The following AGBL3 variants were observed in gnomAD, a reference collection of about 807,000 sequenced individuals.
The protein encoded by AGBL3 is cytosolic carboxypeptidase 3.
Under a neutral mutation model 94.5 loss-of-function variants are expected in AGBL3, and 68 were observed. That is an observed-to-expected ratio of 0.72 (90% CI 0.59 to 0.88). AGBL3 has a LOEUF of 0.88. Among genes scored for constraint, AGBL3 ranks in the 40% least tolerant of loss-of-function variants. AGBL3 has a pLI of 0.00. For missense variants in AGBL3, 934 were observed against 1,103.8 expected, an observed-to-expected ratio of 0.85 and a Z score of 2.18; for synonymous variants, 354 against 370.7, an observed-to-expected ratio of 0.95 and a Z score of 0.52.
At chr7:135,079,120 T>C (rs1246440042) in intron 13 of AGBL3, among the ~76,000 whole-genome samples, 1 of 152,164 alleles carries the variant, frequency 6.6e-6, no homozygotes, top group East Asian at 1.9e-4. Context: ...TATTTTTCTG[T>C]AGGATTGAAT....
chr7:135,026,796 A>G (rs991658724), intron 5 of AGBL3, among the ~76,000 whole-genome samples: 2 of 151,460 alleles, frequency 1.3e-5, no homozygotes, highest in East Asian at 2.1e-4. Flanking sequence ...TAATCTGACA[A>G]TCTCTGCCTT....
Position 135,037,437 on chromosome 7 carries a change from G to A in AGBL3, c.1357G>A (p.Val453Ile). 6.5e-7 allele frequency: 1 copy of A among 1,542,650 alleles called. No individual in the cohort carries two copies. The highest frequency in any genetic ancestry group is 1.2e-5 in the South Asian group (1 of 81,974). ...TGGCAGACTGATGGAGAAACGAGAGGTTATTTTATACTGTGATCTTCATGG... is the reference window on the plus strand; with the variant it reads ...TGGCAGACTGATGGAGAAACGAGAGATTATTTTATACTGTGATCTTCATGG... ...MVHRLMEKRE[V>I]ILYCDLHGHS... Residue 453 changes from valine (V) to isoleucine (I), a missense_variant, in exon 8 of 17, where the codon GTT becomes ATT. Val to Ile is a conservative substitution (Grantham distance 29). This residue lies in a region of AGBL3 where 488 missense variants were observed against 563.6 expected (regional missense o/e 0.87). Transcript: ENST00000436302.
chr7:135,017,718 C>T (rs1012038081), intron 5 of AGBL3, among the ~76,000 whole-genome samples: 16 of 152,008 alleles, frequency 1.1e-4, no homozygotes, highest in African/African-American at 1.9e-4. Flanking sequence ...AGAGTGTTTT[C>T]GTATATTAAA....
At chr7:135,008,344 C>A (rs1353046464) in intron 4 of AGBL3, among the ~76,000 whole-genome samples, 1 of 152,064 alleles carries the variant, frequency 6.6e-6, no homozygotes, top group Non-Finnish European at 1.5e-5. Flanking sequence ...CTGTGGTGAA[C>A]TGATTTTTGA....
chr7:135,085,029 T>C (rs540675323), intron 15 of AGBL3, among the ~76,000 whole-genome samples: 2 of 152,254 alleles, frequency 1.3e-5, no homozygotes, highest in African/African-American at 2.4e-5. Flanking sequence ...TTTTTGATAA[T>C]AGCTATTCTA....
At chr7:135,099,188 G>GCT (rs57411569) in intron 15 of AGBL3, among the ~76,000 whole-genome samples, 73,550 of 151,262 alleles carry the variant, frequency 0.49, 18,162 homozygotes, top group South Asian at 0.66. Context: ...TCCTAGATTG[G>GCT]CTCTAAAAAT....
intron 15 of AGBL3, among the ~76,000 whole-genome samples, chr7:135,087,743 G>A (rs915933535): frequency 4.6e-5 from 7 of 151,866 alleles, no homozygotes; most frequent in East Asian, 1.9e-4. Context: ...GTTCCCTAAC[G>A]TAAGTCTTAG....
chr7:135,037,285 G>A, intron 7 of AGBL3, 133 bp from the exon 8 acceptor site: 1 of 616,524 alleles, frequency 1.6e-6, no homozygotes, highest in Non-Finnish European at 2.5e-6. Flanking sequence ...TTAATAATAT[G>A]CAATATAGAT....
chr7:135,105,093 G>A lies in AGBL3; in HGVS notation c.2111-10287G>A, dbSNP rs536379482. On this transcript the variant is annotated intron_variant, in intron 15 of 16. Coordinates refer to ENST00000436302, the MANE Select transcript of AGBL3 (RefSeq NM_178563.4). ...AAGTTTTTTTTTTTTTTTTTGAGAT[G>A]GAGTCTTGCTCTTTCACCCAGGCTG... 1.4e-3 allele frequency among the ~76,000 whole-genome samples: 148 copies of A among 103,332 alleles called. 1 individual carries two copies. Among genetic ancestry groups the A allele is most frequent in the South Asian group, 3.3e-3 (10 of 3,054 alleles). 67.8% of individuals were successfully genotyped at this position (103,332 alleles called of 152,430 possible).
In AGBL3 at chr7:135,045,877, C is replaced by T; in HGVS notation, c.1807C>T (p.Pro603Ser). ...LEKVFEDSDT[P>S]VIDITLDVES... ...AAAAGTCTTTGAGGATTCAGACACA[C>T]CTGTGATAGACATTACATTGGATGT... The change falls in exon 11 of 17, where the codon CCT becomes TCT. Residue 603 changes from proline to serine, a missense_variant. By Grantham distance (74) the Pro-to-Ser change is moderately conservative. This residue lies in a region of AGBL3 where 441 missense variants were observed against 518.2 expected (regional missense o/e 0.85). Transcript: ENST00000436302. The T allele has an allele frequency of 1.3e-6, 2 of 1,549,962 alleles. No homozygotes were observed. Among genetic ancestry groups the T allele is most frequent in the South Asian group, 1.2e-5 (1 of 83,988 alleles).
intron 8 of AGBL3, among the ~76,000 whole-genome samples, chr7:135,038,447 A>T (rs1373904017): frequency 6.6e-6 from 1 of 152,244 alleles, no homozygotes; most frequent in Non-Finnish European, 1.5e-5. Flanking sequence ...TATTACTCCT[A>T]TAAAATAATT....
Position 135,037,681 on chromosome 7 carries a change from T to A in AGBL3, c.1500+101T>A, listed in dbSNP as rs1816447737. 1.7e-5 allele frequency: 16 copies of A among 955,356 alleles called. 1 individual carries two copies. In the South Asian group the frequency reaches 3.3e-4, roughly 19 times the overall value. The allele number at this position is 955,356 out of a possible 1,614,324, so 59.2% of individuals were successfully genotyped here. A position where few individuals can be genotyped will look rare whatever the true frequency, so the allele number is the denominator to read the frequency against. ...ATAATACTATTCCAAACTGCTTTTT[T>A]TTTAGTTAGTTTGACCAGTTTATAC... On this transcript the variant is annotated intron_variant, in intron 8 of 16. Transcript: ENST00000436302.
chr7:135,099,495 C>T (rs1823436275), intron 15 of AGBL3, among the ~76,000 whole-genome samples: 1 of 152,164 alleles, frequency 6.6e-6, no homozygotes, highest in East Asian at 1.9e-4. Flanking sequence ...GACCTAACTT[C>T]AGATATTTTA....
intron 2 of AGBL3, chr7:134,988,380 T>C (rs1030174071): frequency 5.3e-5 from 9 of 169,476 alleles, no homozygotes; most frequent in Non-Finnish European, 1.1e-4. Context: ...TCTAACCTTA[T>C]TGTGTATCAC....
chr7:135,042,721 G>A (rs1374988730), intron 8 of AGBL3, among the ~76,000 whole-genome samples: 1 of 152,096 alleles, frequency 6.6e-6, no homozygotes, highest in Non-Finnish European at 1.5e-5. Context: ...ACCAGCCTGA[G>A]CAACATAGCA....
In AGBL3 at chr7:135,129,279, A is replaced by G. The variant is rs1004493104; in HGVS notation, c.2343-5562A>G. 3.3e-6 allele frequency: 5 copies of G among 1,516,244 alleles called. No homozygotes were observed. In the Admixed American group the frequency reaches 6.7e-5, roughly 20 times the overall value. 93.9% of individuals were successfully genotyped at this position (1,516,244 alleles called of 1,614,324 possible). Reference sequence around the variant, plus strand: ...CTCCAGCTGCAATTTTGCCTTCTGTACCTTGTGCAGGTTGACCTACCATGG... The same window carrying G: ...CTCCAGCTGCAATTTTGCCTTCTGTGCCTTGTGCAGGTTGACCTACCATGG... On this transcript the variant is annotated intron_variant, in intron 16 of 16. Transcript: ENST00000436302.
At chr7:135,004,912 G>A (rs541741973) in intron 4 of AGBL3, among the ~76,000 whole-genome samples, 13 of 150,724 alleles carry the variant, frequency 8.6e-5, no homozygotes, top group African/African-American at 2.2e-4. Context: ...TTTATAAATC[G>A]GATTTATTTA....
chr7:134,986,523 G>C lies in AGBL3; in HGVS notation c.-238G>C, dbSNP rs1809445525. ...GGGCGGACCCGTTGCCTGATGACGA[G>C]AGTTGGGAGTGTGGCTGGGGCTGCG... On this transcript the variant is annotated 5_prime_UTR_variant, in exon 1 of 17. Transcript: ENST00000436302. 6.6e-6 allele frequency: 1 copy of C among 152,418 alleles called. No individual in the cohort carries two copies. Among genetic ancestry groups the C allele is most frequent in the African/African-American group, 2.4e-5 (1 of 41,478 alleles). 9.4% of individuals were successfully genotyped at this position (152,418 alleles called of 1,614,324 possible). A position where few individuals can be genotyped will look rare whatever the true frequency, so the allele number is the denominator to read the frequency against.
At chr7:135,005,635 A>C (rs1157449571) in intron 4 of AGBL3, among the ~76,000 whole-genome samples, 6 of 151,780 alleles carry the variant, frequency 4.0e-5, no homozygotes, top group African/African-American at 1.4e-4. Flanking sequence ...TAAAGAACTA[A>C]AATAACGTTT....
Sources: gnomAD v4.1 joint callset for allele counts (sites outside exome capture counted in the v4.1 genomes callset) on GRCh38, gnomAD v4.1.1 for gene constraint, gnomAD v4.1.1 regional missense constraint, MANE v1.5 for transcripts, NCBI Gene and HGNC (gene_info 2026-07-23, HGNC 2026-07-21) for gene names.